The following RCAN2 variants were observed in gnomAD, a reference collection of about 807,000 sequenced individuals.
RCAN2 encodes the protein calcipressin-2.
A neutral mutation model predicts 23.6 loss-of-function variants in RCAN2; 9 were observed. The ratio of observed to expected loss-of-function variants is 0.38; its 90% confidence interval spans 0.23 to 0.67. The LOEUF (loss-of-function observed/expected upper bound fraction) is 0.67, where lower values mean the gene tolerates loss of function less well. Ranked by LOEUF, RCAN2 falls within the 30% of genes least tolerant of loss-of-function variation. The pLI is 0.51. For missense variants in RCAN2, 273 were observed against 302.3 expected (o/e 0.90, Z 0.72); for synonymous variants, 109 against 115.7 (o/e 0.94, Z 0.37).
chr6:46,331,536 C>A (rs1403210748), intron 2 of RCAN2, among the ~76,000 whole-genome samples: 2 of 152,172 alleles, frequency 1.3e-5, no homozygotes, highest in South Asian at 4.1e-4. Context: ...AGTCCTCTGA[C>A]AAATCTTCAA....
chr6:46,369,612 A>G (rs532856589), intron 2 of RCAN2, among the ~76,000 whole-genome samples: 1 of 152,322 alleles, frequency 6.6e-6, no homozygotes, highest in African/African-American at 2.4e-5. Flanking sequence ...AAATGTCATT[A>G]TGGAGCACAT....
chr6:46,367,517 GA>G (rs1765209073), intron 2 of RCAN2, among the ~76,000 whole-genome samples: 2 of 152,160 alleles, frequency 1.3e-5, no homozygotes, highest in South Asian at 4.1e-4. Context: ...AGACAAATTT[GA>G]AATGTCAGTT....
intron 2 of RCAN2, among the ~76,000 whole-genome samples, chr6:46,320,778 A>C (rs1331174846): frequency 6.6e-6 from 1 of 152,196 alleles, no homozygotes; most frequent in Non-Finnish European, 1.5e-5. Context: ...GCATATGAAG[A>C]ATTACTGTGC....
At chr6:46,383,657 C>T (rs1765667906) in intron 2 of RCAN2, among the ~76,000 whole-genome samples, 1 of 152,078 alleles carries the variant, frequency 6.6e-6, no homozygotes, top group Admixed American at 6.6e-5. Context: ...AAATAAAATA[C>T]CATTTAAAAA....
At chr6:46,373,965 C>T (rs1332729769) in intron 2 of RCAN2, among the ~76,000 whole-genome samples, 2 of 152,214 alleles carry the variant, frequency 1.3e-5, no homozygotes, top group African/African-American at 2.4e-5. Context: ...TAAGATTCTA[C>T]TTCTACCATG....
At chr6:46,288,969 C>T (rs1336370170) in intron 2 of RCAN2, among the ~76,000 whole-genome samples, 2 of 152,218 alleles carry the variant, frequency 1.3e-5, no homozygotes, top group African/African-American at 4.8e-5. Context: ...TCCCTTTCTG[C>T]AATTCTACAG....
intron 1 of RCAN2, among the ~76,000 whole-genome samples, chr6:46,483,074 G>T (rs746406208): frequency 6.6e-6 from 1 of 152,164 alleles, no homozygotes; most frequent in Admixed American, 6.5e-5. Context: ...CGCTCACCTA[G>T]ATTTCCCCAC....
chr6:46,441,798 C>T (rs1270607772), intron 2 of RCAN2, among the ~76,000 whole-genome samples: 1 of 151,998 alleles, frequency 6.6e-6, no homozygotes, highest in East Asian at 1.9e-4. Flanking sequence ...ACCCATTTTG[C>T]TAAAAGGGGC....
At chr6:46,413,239 G>T (rs1487498515) in intron 2 of RCAN2, among the ~76,000 whole-genome samples, 1 of 152,196 alleles carries the variant, frequency 6.6e-6, no homozygotes, top group Non-Finnish European at 1.5e-5. Flanking sequence ...TTAATGAAAG[G>T]TTCTCAGAGA....
intron 1 of RCAN2, among the ~76,000 whole-genome samples, chr6:46,457,863 A>G (rs905895547): frequency 1.3e-5 from 2 of 151,714 alleles, no homozygotes; most frequent in African/African-American, 4.8e-5. Context: ...TTATTTTTTC[A>G]CCCCTTATAT....
rs535102213 is a variant in RCAN2 at position 46,340,237 on chromosome 6, TC to T, written c.226-91342del. Among the ~76,000 whole-genome samples the T allele has an allele frequency of 2.3e-4, 35 of 152,318 alleles. No individual in the cohort carries two copies. In the East Asian group the frequency reaches 6.2e-3, roughly 27 times the overall value. ...TGCCATAAAGTCTCCTACTCCACTA[TC>T]CAACTCCTTAATTCCTCAAGCTTTG... On this transcript the variant is annotated intron_variant, in intron 2 of 4. Transcript: ENST00000371374.
intron 2 of RCAN2, among the ~76,000 whole-genome samples, chr6:46,355,191 A>C (rs1216747818): frequency 6.6e-6 from 1 of 152,198 alleles, no homozygotes; most frequent in Non-Finnish European, 1.5e-5. Flanking sequence ...ATGAATTTTT[A>C]AAGTAAACTT....
chr6:46,233,858 G>C (rs771595243), intron 4 of RCAN2, among the ~76,000 whole-genome samples: 1 of 151,760 alleles, frequency 6.6e-6, no homozygotes, highest in African/African-American at 2.4e-5. Flanking sequence ...CTCTCGAGTA[G>C]CTGGGATTAC....
chr6:46,305,189 G>GA (rs1309447198), intron 2 of RCAN2, among the ~76,000 whole-genome samples: 1 of 152,086 alleles, frequency 6.6e-6, no homozygotes, highest in Non-Finnish European at 1.5e-5. Context: ...GGCACCCCAA[G>GA]AAACCACTTG....
At position 46,342,941 on chromosome 6, in the gene RCAN2, T is replaced by C. The variant is rs185396745; in HGVS notation, c.226-94045A>G. 2.6e-5 allele frequency among the ~76,000 whole-genome samples: 4 copies of C among 152,252 alleles called. No individual in the cohort carries two copies. In the East Asian group the frequency reaches 5.8e-4, roughly 22 times the overall value. On this transcript the variant is annotated intron_variant, in intron 2 of 4. Coordinates refer to ENST00000371374, the MANE Select transcript of RCAN2 (RefSeq NM_001251974.2). ...GGGACAATATAAAGTATTCTAAATA[T>C]GTATAATTAGAGTCTTAAAAGCAGA...
chr6:46,379,159 G>T (rs1244144401), intron 2 of RCAN2, among the ~76,000 whole-genome samples: 1 of 152,184 alleles, frequency 6.6e-6, no homozygotes, highest in Non-Finnish European at 1.5e-5. Flanking sequence ...TGAGAATTAG[G>T]TCTCCTAGAG....
chr6:46,385,506 C>T lies in RCAN2; in HGVS notation c.225+71246G>A, dbSNP rs191196281. 4.2e-4 allele frequency among the ~76,000 whole-genome samples: 64 copies of T among 152,142 alleles called. 2 individuals carry two copies. The East Asian group carries it at 0.011, about 26-fold the overall frequency. ...AACGGGCTAGCCATAAGCAGAAAACCGAAACTGGACCCTTTTCTTACACCT... is the reference window on the plus strand; with the variant it reads ...AACGGGCTAGCCATAAGCAGAAAACTGAAACTGGACCCTTTTCTTACACCT... On this transcript the variant is annotated intron_variant, in intron 2 of 4. Transcript: ENST00000371374.
chr6:46,329,965 C>G (rs748677550), intron 2 of RCAN2, among the ~76,000 whole-genome samples: 3 of 152,208 alleles, frequency 2.0e-5, no homozygotes, highest in Admixed American at 6.5e-5. Flanking sequence ...AGCAGCCAAG[C>G]CTGTTTGGCT....
intron 2 of RCAN2, among the ~76,000 whole-genome samples, chr6:46,317,679 A>G (rs908150540): frequency 1.3e-5 from 2 of 151,932 alleles, no homozygotes; most frequent in Non-Finnish European, 2.9e-5. Flanking sequence ...GTTAGCCAGG[A>G]TGGTCTCGAT....
Sources: gnomAD v4.1 joint callset for allele counts (sites outside exome capture counted in the v4.1 genomes callset) on GRCh38, gnomAD v4.1.1 for gene constraint, MANE v1.5 for transcripts, NCBI Gene and HGNC (gene_info 2026-07-23, HGNC 2026-07-21) for gene names.